Variants in SLC35F4 observed in about 807,000 individuals in gnomAD.
SLC35F4 encodes the protein chromosome 14 open reading frame 36.
SLC35F4 carries 24 observed loss-of-function variants against 44.2 expected under a neutral mutation model. The ratio of observed to expected loss-of-function variants is 0.54; its 90% CI spans 0.39 to 0.76. The LOEUF (loss-of-function observed/expected upper bound fraction) is 0.76. Ranked by LOEUF, SLC35F4 falls within the 30% of genes least tolerant of loss-of-function variation. SLC35F4 has a pLI of 0.00. For missense variants in SLC35F4, 562 were observed against 586.1 expected (o/e 0.96, Z 0.42); for synonymous variants, 238 against 223.6 (o/e 1.06, Z -0.57).
chr14:57,695,099 C>T (rs1594814232), intron 1 of SLC35F4, among the ~76,000 whole-genome samples: 1 of 152,116 alleles, frequency 6.6e-6, no homozygotes, highest in Non-Finnish European at 1.5e-5. Context: ...CCATTCAGGA[C>T]ACAGGCATGG....
chr14:57,858,949 A>ATT (rs935507277), intron 1 of SLC35F4, among the ~76,000 whole-genome samples: 13 of 151,066 alleles, frequency 8.6e-5, no homozygotes, highest in East Asian at 7.9e-4. Context: ...AAAAAAAAAA[A>ATT]AATTAATTAA....
chr14:57,798,668 A>G lies in SLC35F4; in HGVS notation c.103+67055T>C, dbSNP rs543847633. On this transcript the variant is annotated intron_variant, in intron 1 of 7. Coordinates refer to ENST00000556826, the MANE Select transcript of SLC35F4 (RefSeq NM_001306087.2). ...GCATTTCTCCTAGGATCCAGAGGCTACTAAATCTGAACAAATCAACTTTAT... is the reference window on the plus strand; with the variant it reads ...GCATTTCTCCTAGGATCCAGAGGCTGCTAAATCTGAACAAATCAACTTTAT... 6.6e-5 allele frequency among the ~76,000 whole-genome samples: 10 copies of G among 152,350 alleles called. No individual in the cohort carries two copies. The South Asian group carries it at 1.9e-3, about 28-fold the overall frequency.
At chr14:57,645,388 G>A (rs2073455852) in intron 1 of SLC35F4, among the ~76,000 whole-genome samples, 1 of 152,148 alleles carries the variant, frequency 6.6e-6, no homozygotes, top group Non-Finnish European at 1.5e-5. Flanking sequence ...AAGCAATCGT[G>A]AATGGGAGTT....
chr14:57,764,972 T>C (rs1366280642), intron 1 of SLC35F4, among the ~76,000 whole-genome samples: 1 of 152,196 alleles, frequency 6.6e-6, no homozygotes, highest in Non-Finnish European at 1.5e-5. Context: ...CTGTTTTAAA[T>C]TATTATAAAA....
chr14:57,596,472 T>A (rs2070494423), intron 1 of SLC35F4: 2 of 321,088 alleles, frequency 6.2e-6, no homozygotes, highest in African/African-American at 4.4e-5. Context: ...GAGTGGCTGA[T>A]GCTCAGATAC....
At chr14:57,656,758 G>T (rs915241296) in intron 1 of SLC35F4, among the ~76,000 whole-genome samples, 2 of 152,080 alleles carry the variant, frequency 1.3e-5, no homozygotes, top group South Asian at 4.1e-4. Context: ...TTCTATGTCT[G>T]TGCCTCTATT....
At chr14:57,957,450 A>G (rs529567652) in intron 1 of SLC35F4, among the ~76,000 whole-genome samples, 24 of 151,818 alleles carry the variant, frequency 1.6e-4, no homozygotes, top group Non-Finnish European at 3.4e-4. Flanking sequence ...AAAAACTGCA[A>G]TGAATGGATT....
intron 4 of SLC35F4, 194 bp downstream of exon 4, chr14:57,581,020 G>A (rs952126740): frequency 1.8e-5 from 8 of 447,912 alleles, no homozygotes; most frequent in African/African-American, 4.1e-5. Flanking sequence ...CTAACCAGTG[G>A]AAACAAACTG....
chr14:57,582,085 G>A (rs760697679), intron 3 of SLC35F4, among the ~76,000 whole-genome samples: 3 of 152,162 alleles, frequency 2.0e-5, no homozygotes, highest in Non-Finnish European at 2.9e-5. Flanking sequence ...TCTAAATTCG[G>A]TGTGAGAAAA....
chr14:57,839,991 G>A (rs1182750712), intron 1 of SLC35F4, among the ~76,000 whole-genome samples: 1 of 152,104 alleles, frequency 6.6e-6, no homozygotes, highest in East Asian at 1.9e-4. Flanking sequence ...CCAGATGAGT[G>A]ATCTAATAAT....
intron 1 of SLC35F4, among the ~76,000 whole-genome samples, chr14:57,962,390 C>G (rs1288568468): frequency 6.6e-6 from 1 of 152,144 alleles, no homozygotes; most frequent in Non-Finnish European, 1.5e-5. Flanking sequence ...AAGCTCAGAT[C>G]AGTCCCTGTG....
intron 1 of SLC35F4, among the ~76,000 whole-genome samples, chr14:57,785,240 G>T (rs1193987198): frequency 2.4e-4 from 36 of 152,112 alleles, no homozygotes; most frequent in Non-Finnish European, 2.9e-5. Context: ...CTGTCATGGT[G>T]CCAGATATCA....
At chr14:57,626,758 C>T (rs1448500413) in intron 1 of SLC35F4, among the ~76,000 whole-genome samples, 1 of 152,102 alleles carries the variant, frequency 6.6e-6, no homozygotes, top group Non-Finnish European at 1.5e-5. Flanking sequence ...GAGGTACAAT[C>T]AATCATATTC....
At chr14:57,594,166 C>T in intron 1 of SLC35F4, 42 bp from the exon 2 acceptor site, 2 of 1,544,698 alleles carry the variant, frequency 1.3e-6, no homozygotes, top group Non-Finnish European at 1.8e-6. Flanking sequence ...ACTGCCTGAA[C>T]AAATTGGAAG....
chr14:57,663,873 C>T (rs1035952250), intron 1 of SLC35F4, among the ~76,000 whole-genome samples: 2 of 152,094 alleles, frequency 1.3e-5, no homozygotes, highest in African/African-American at 4.8e-5. Flanking sequence ...ATTGGCAGTT[C>T]ACAGGTGCTA....
At chr14:57,959,817 G>A (rs1389507986) in intron 1 of SLC35F4, among the ~76,000 whole-genome samples, 1 of 152,184 alleles carries the variant, frequency 6.6e-6, no homozygotes, top group Non-Finnish European at 1.5e-5. Context: ...CCCCGTAAAT[G>A]TCAGTTACAA....
At chr14:57,612,180 G>A (rs35018545) in intron 1 of SLC35F4, among the ~76,000 whole-genome samples, 2,916 of 152,212 alleles carry the variant, frequency 0.019, 52 homozygotes, top group Non-Finnish European at 0.027. Context: ...GAGCCCAGAA[G>A]TTGGAGGCTG....
At chr14:57,704,503 C>G (rs1212195547) in intron 1 of SLC35F4, among the ~76,000 whole-genome samples, 4 of 152,088 alleles carry the variant, frequency 2.6e-5, no homozygotes, top group Admixed American at 2.6e-4. Context: ...GCTCCAGCCC[C>G]TTTGAGGACC....
chr14:57,724,359 G>A (rs8013260), intron 1 of SLC35F4, among the ~76,000 whole-genome samples: 60,099 of 151,936 alleles, frequency 0.4, 11,912 homozygotes, highest in Middle Eastern at 0.42. Flanking sequence ...GCCATCTTCT[G>A]CAGATAACTA....
Sources: allele counts gnomAD v4.1 joint callset (sites outside exome capture counted in the v4.1 genomes callset), GRCh38; gene constraint gnomAD v4.1.1; transcripts MANE v1.5; gene names NCBI Gene and HGNC (gene_info 2026-07-23, HGNC 2026-07-21).